Variants in TXNRD1 observed in about 807,000 individuals in gnomAD.
The protein encoded by TXNRD1 is thioredoxin reductase 1, also known as thioredoxin reductase 1, cytoplasmic.
TXNRD1 carries 57 observed loss-of-function variants against 80.3 expected under a neutral mutation model. The observed-to-expected ratio is 0.71, with a 90% CI of 0.57 to 0.89. TXNRD1 has a LOEUF of 0.89. Ranked by LOEUF, TXNRD1 falls within the 40% of genes least tolerant of loss-of-function variation. The pLI is 0.00. For missense variants in TXNRD1, 730 were observed against 803.0 expected (o/e 0.91, Z 1.10); for synonymous variants, 291 against 285.2 (o/e 1.02, Z -0.20).
intron 7 of TXNRD1, among the ~76,000 whole-genome samples, chr12:104,317,888 C>T (rs2035385260): frequency 6.6e-6 from 1 of 152,176 alleles, no homozygotes; most frequent in Non-Finnish European, 1.5e-5. Context: ...GCCTGTAATC[C>T]CAGCACTTTG....
chr12:104,298,796 G>A (rs2034516914), intron 4 of TXNRD1, among the ~76,000 whole-genome samples: 1 of 141,450 alleles, frequency 7.1e-6, no homozygotes, highest in Admixed American at 6.9e-5. Flanking sequence ...TGAAACTACT[G>A]GTTTGTATAC....
chr12:104,271,071 C>A (rs938908123), intron 3 of TXNRD1, among the ~76,000 whole-genome samples: 1 of 152,130 alleles, frequency 6.6e-6, no homozygotes, highest in African/African-American at 2.4e-5. Context: ...TGTGAAAAGA[C>A]CACCAAACAG....
chr12:104,289,374 AGTT>A (rs1179237660), intron 4 of TXNRD1: 1 of 205,916 alleles, frequency 4.9e-6, no homozygotes, highest in Non-Finnish European at 1.0e-5. Context: ...GCTAAATGTT[AGTT>A]GTTTAGGGAA....
intron 1 of TXNRD1, among the ~76,000 whole-genome samples, chr12:104,242,417 G>T (rs890965638): frequency 6.6e-6 from 1 of 151,700 alleles, no homozygotes; most frequent in African/African-American, 2.4e-5. Context: ...GCATGGTGGC[G>T]CACGCCTGTA....
chr12:104,266,223 A>C (rs1201103412), intron 3 of TXNRD1, among the ~76,000 whole-genome samples: 2 of 152,044 alleles, frequency 1.3e-5, no homozygotes, highest in African/African-American at 4.8e-5. Flanking sequence ...CATTTTCCTC[A>C]TGGGATAATA....
chr12:104,322,622 CTCCCAGTGCAGTG>C (rs1198800743), intron 10 of TXNRD1, among the ~76,000 whole-genome samples: 1 of 151,962 alleles, frequency 6.6e-6, no homozygotes, highest in Admixed American at 6.6e-5. Flanking sequence ...TCAAGTGGTC[CTCCCAGTGCAGTG>C]TCCCAAAGTG....
At chr12:104,291,059 T>G (rs1199866124) in intron 4 of TXNRD1, 1 of 688,376 alleles carries the variant, frequency 1.5e-6, no homozygotes, top group Non-Finnish European at 2.6e-6. Flanking sequence ...TCATCCGGCC[T>G]CGGCCTCCTA....
rs147979246 is a variant in TXNRD1, at chr12:104,309,663, T to C, written c.415-1627T>C. The stretch of plus-strand genomic sequence containing the variant: ...TAACTCTTAAACCAGGAAGTCATGC[T>C]CTTTGAGACCCAGTAGGGAGTCACA... On this transcript the variant is annotated intron_variant, in intron 4 of 16. Transcript: ENST00000525566. 1.3e-4 allele frequency: 109 copies of C among 822,778 alleles called. 1 individual carries two copies. The African/African-American group carries it at 1.6e-3, about 12-fold the overall frequency. The allele number at this position is 822,778 out of a possible 1,614,324, so 51.0% of individuals were successfully genotyped here.
intron 4 of TXNRD1, among the ~76,000 whole-genome samples, chr12:104,308,629 A>AGC: frequency 6.6e-6 from 1 of 152,238 alleles, no homozygotes; most frequent in Middle Eastern, 3.4e-3. Flanking sequence ...TCTGTTTAAG[A>AGC]TTGTAAAGGA....
At chr12:104,332,058 T>C (rs2035971562) in intron 14 of TXNRD1, among the ~76,000 whole-genome samples, 1 of 152,214 alleles carries the variant, frequency 6.6e-6, no homozygotes, top group Non-Finnish European at 1.5e-5. Context: ...ATCACATTTA[T>C]TGATTTCTCT....
chr12:104,267,702 TCTC>T (rs1565870301), intron 3 of TXNRD1, among the ~76,000 whole-genome samples: 11,238 of 60,682 alleles, frequency 0.19, 785 homozygotes, highest in East Asian at 0.31. Flanking sequence ...TCTTTCTTTC[TCTC>T]TTTCTTTCTT....
At chr12:104,276,428 T>C (rs529754374) in intron 3 of TXNRD1, among the ~76,000 whole-genome samples, 1 of 152,328 alleles carries the variant, frequency 6.6e-6, no homozygotes, top group African/African-American at 2.4e-5. Flanking sequence ...AAGAGACCCC[T>C]TGTTAAACAT....
intron 1 of TXNRD1, among the ~76,000 whole-genome samples, chr12:104,216,349 C>T (rs918914421): frequency 6.6e-6 from 1 of 152,236 alleles, no homozygotes; most frequent in Non-Finnish European, 1.5e-5. Context: ...CCGGCCCACT[C>T]CCAGCATCCT....
At chr12:104,307,013 A>G (rs1465587244) in intron 4 of TXNRD1, among the ~76,000 whole-genome samples, 1 of 152,022 alleles carries the variant, frequency 6.6e-6, no homozygotes, top group African/African-American at 2.4e-5. Flanking sequence ...AGGAGAGGTA[A>G]TTTTTTTGGT....
At chr12:104,255,905 ATTTCAGATTGT>A (rs1454063178) in intron 2 of TXNRD1, among the ~76,000 whole-genome samples, 1 of 152,160 alleles carries the variant, frequency 6.6e-6, no homozygotes, top group African/African-American at 2.4e-5. Context: ...TACCTTGTTG[ATTTCAGATTGT>A]TTTCAGATTG....
At chr12:104,242,345 C>T (rs992758149) in intron 1 of TXNRD1, among the ~76,000 whole-genome samples, 3 of 151,546 alleles carry the variant, frequency 2.0e-5, no homozygotes, top group African/African-American at 7.3e-5. Context: ...GTCAGGAGTT[C>T]GAGACCAGCC....
At chr12:104,315,427 A>G (rs1040686075) in intron 6 of TXNRD1, among the ~76,000 whole-genome samples, 1 of 152,234 alleles carries the variant, frequency 6.6e-6, no homozygotes, top group Non-Finnish European at 1.5e-5. Flanking sequence ...ATCAACATAA[A>G]GAGAAAAATC....
Position 104,327,583 on chromosome 12 carries a change from T to C in TXNRD1, c.1454T>C (p.Ile485Thr). 6.2e-7 allele frequency: 1 copy of C among 1,613,662 alleles called. No individual in the cohort carries two copies. The highest frequency in any genetic ancestry group is 8.5e-7 in the Non-Finnish European group (1 of 1,179,826). Residue 485 changes from isoleucine (I) to threonine (T), a missense_variant, in exon 13 of 17, where the codon ATA becomes ACA. Coordinates refer to ENST00000525566, the MANE Select transcript of TXNRD1 (RefSeq NM_001093771.3). Reference sequence around the variant, plus strand: ...CCTTACATCTATGCCATTGGCGATATATTGGAGGATAAGGTGGAGCTCACC... The same window carrying C: ...CCTTACATCTATGCCATTGGCGATACATTGGAGGATAAGGTGGAGCTCACC... ...NVPYIYAIGD[I>T]LEDKVELTPV...
chr12:104,303,185 TC>T (rs1353285922), intron 4 of TXNRD1, among the ~76,000 whole-genome samples: 1 of 152,068 alleles, frequency 6.6e-6, no homozygotes, highest in Non-Finnish European at 1.5e-5. Flanking sequence ...TATTGGAGGC[TC>T]CCCCGATCCC....
Sources: allele counts gnomAD v4.1 joint callset (sites outside exome capture counted in the v4.1 genomes callset), GRCh38; gene constraint gnomAD v4.1.1; transcripts MANE v1.5; gene names NCBI Gene and HGNC (gene_info 2026-07-23, HGNC 2026-07-21).